AUTS2: variants seen among roughly 807,000 people sequenced by gnomAD.
AUTS2 encodes activator of transcription and developmental regulator AUTS2.
A neutral mutation model predicts 112.4 loss-of-function variants in AUTS2; 17 were observed. The ratio of observed to expected loss-of-function variants is 0.15; its 90% CI spans 0.10 to 0.23. AUTS2 has a LOEUF of 0.23. Ranked by LOEUF, AUTS2 falls within the 10% of genes least tolerant of loss-of-function variation. The pLI is 1.00. For missense variants in AUTS2, 1,510 were observed against 1,701.6 expected (o/e 0.89, Z 1.98); for synonymous variants, 751 against 702.7 (o/e 1.07, Z -1.09).
chr7:69,801,888 A>G (rs1230530473), intron 1 of AUTS2, among the ~76,000 whole-genome samples: 1 of 152,136 alleles, frequency 6.6e-6, no homozygotes, highest in Non-Finnish European at 1.5e-5. Flanking sequence ...CCAGGAAATG[A>G]TGTGATGTGT....
intron 4 of AUTS2, among the ~76,000 whole-genome samples, chr7:70,317,879 G>T (rs1047108819): frequency 2.0e-5 from 3 of 152,164 alleles, no homozygotes; most frequent in Admixed American, 6.5e-5. Context: ...TTGTATCAAT[G>T]TAGGTTTTGA....
intron 5 of AUTS2, among the ~76,000 whole-genome samples, chr7:70,506,556 G>A (rs1020851599): frequency 1.3e-5 from 2 of 152,198 alleles, no homozygotes; most frequent in African/African-American, 4.8e-5. Context: ...CCAAGACTGA[G>A]AGGAAGGGAG....
At chr7:69,602,020 G>GTA (rs1173266676) in intron 1 of AUTS2, among the ~76,000 whole-genome samples, 1,976 of 67,170 alleles carry the variant, frequency 0.029, 24 homozygotes, top group Admixed American at 0.046. Flanking sequence ...ATGTGTGTGT[G>GTA]TATATATATA....
intron 5 of AUTS2, among the ~76,000 whole-genome samples, chr7:70,570,887 T>C (rs1183368386): frequency 2.2e-5 from 3 of 133,410 alleles, no homozygotes; most frequent in Non-Finnish European, 5.0e-5. Context: ...AATATGTCTG[T>C]CCACCATCTT....
In AUTS2 at chr7:70,046,796, T is replaced by C. The variant is rs894818864; in HGVS notation, c.523-71336T>C. ...ATTTTGAGTCTTTGGAAGTTATTTT[T>C]GTGTTTATTATGCTCTGATAAAGAG... On this transcript the variant is annotated intron_variant, in intron 2 of 18. Transcript: ENST00000342771. Among the ~76,000 whole-genome samples the C allele has an allele frequency of 2.0e-5, 3 of 152,356 alleles. No homozygotes were observed. The South Asian group carries it at 6.2e-4, about 32-fold the overall frequency.
intron 2 of AUTS2, among the ~76,000 whole-genome samples, chr7:69,907,257 C>T (rs981744202): frequency 4.6e-5 from 7 of 152,200 alleles, no homozygotes; most frequent in Admixed American, 2.0e-4. Context: ...AATCTGCTGA[C>T]ATCTTGTAGT....
At chr7:70,048,896 GATCT>G (rs1801621897) in intron 2 of AUTS2, among the ~76,000 whole-genome samples, 1 of 152,116 alleles carries the variant, frequency 6.6e-6, no homozygotes, top group African/African-American at 2.4e-5. Context: ...GCAAAAATAG[GATCT>G]ATCTGTGTAT....
At chr7:70,441,665 G>A (rs1796128582) in intron 5 of AUTS2, among the ~76,000 whole-genome samples, 1 of 152,198 alleles carries the variant, frequency 6.6e-6, no homozygotes, top group African/African-American at 2.4e-5. Context: ...GATATTACAG[G>A]CATGAGCAAC....
At chr7:70,243,697 C>T (rs1319854849) in intron 4 of AUTS2, among the ~76,000 whole-genome samples, 1 of 152,108 alleles carries the variant, frequency 6.6e-6, no homozygotes, top group Non-Finnish European at 1.5e-5. Context: ...AGATAACTGG[C>T]AGACAATTTG....
chr7:70,357,601 A>G (rs568938386), intron 4 of AUTS2, among the ~76,000 whole-genome samples: 1 of 152,220 alleles, frequency 6.6e-6, no homozygotes, highest in South Asian at 2.1e-4. Context: ...CCTCCCTTCC[A>G]AAAGCCTCAG....
chr7:70,275,357 A>C (rs573192910), intron 4 of AUTS2, among the ~76,000 whole-genome samples: 42 of 152,240 alleles, frequency 2.8e-4, no homozygotes, highest in Non-Finnish European at 2.4e-4. Context: ...TAGAGTAGTC[A>C]AACTCACAGA....
At chr7:69,995,419 C>T (rs928895098) in intron 2 of AUTS2, among the ~76,000 whole-genome samples, 6 of 152,064 alleles carry the variant, frequency 3.9e-5, no homozygotes, top group African/African-American at 1.2e-4. Flanking sequence ...ATTTGGCCTT[C>T]GTGAATGCAA....
rs990144521 is a variant in AUTS2 at position 69,694,614 on chromosome 7, A to T, written c.309+94652A>T. On this transcript the variant is annotated intron_variant, in intron 1 of 18. Transcript: ENST00000342771. ...GGCAACATGGCAAAACCATGTTCCTATTCAGGAACAAAGAATAGATCACAA... is the reference window on the plus strand; with the variant it reads ...GGCAACATGGCAAAACCATGTTCCTTTTCAGGAACAAAGAATAGATCACAA... Among the ~76,000 whole-genome samples, 6 of 152,304 alleles carry T rather than the reference A, an allele frequency of 3.9e-5. No homozygotes were observed. In the East Asian group the frequency reaches 7.7e-4, roughly 20 times the overall value.
intron 4 of AUTS2, among the ~76,000 whole-genome samples, chr7:70,155,188 A>C (rs1439084463): frequency 6.6e-6 from 1 of 152,168 alleles, no homozygotes; most frequent in African/African-American, 2.4e-5. Flanking sequence ...AGACCCATAC[A>C]TCATTTGGGG....
intron 2 of AUTS2, among the ~76,000 whole-genome samples, chr7:69,968,135 G>A (rs1797705025): frequency 6.6e-6 from 1 of 152,156 alleles, no homozygotes; most frequent in South Asian, 2.1e-4. Context: ...GGTATTATTT[G>A]TTACAAAGGT....
intron 2 of AUTS2, among the ~76,000 whole-genome samples, chr7:70,004,990 A>G (rs890168537): frequency 2.0e-5 from 3 of 151,574 alleles, no homozygotes; most frequent in Non-Finnish European, 1.5e-5. Flanking sequence ...ATGCCTGGCT[A>G]ATTTTTGTAT....
chr7:70,598,425 C>T (rs1454285649), intron 5 of AUTS2, among the ~76,000 whole-genome samples: 1 of 152,190 alleles, frequency 6.6e-6, no homozygotes, highest in East Asian at 1.9e-4. Flanking sequence ...GAAGATACAA[C>T]ACGGATGGAA....
intron 5 of AUTS2, among the ~76,000 whole-genome samples, chr7:70,508,745 A>G (rs770152312): frequency 1.5e-4 from 23 of 152,244 alleles, no homozygotes; most frequent in Non-Finnish European, 2.6e-4. Flanking sequence ...TTAACTGTAT[A>G]GTTAGTAATC....
chr7:70,057,387 G>A (rs753569074), intron 2 of AUTS2, among the ~76,000 whole-genome samples: 5 of 152,092 alleles, frequency 3.3e-5, no homozygotes, highest in Non-Finnish European at 7.4e-5. Context: ...CCGGCTGACC[G>A]GACTGGTATT....
Sources: gnomAD v4.1 joint callset for allele counts (sites outside exome capture counted in the v4.1 genomes callset) on GRCh38, gnomAD v4.1.1 for gene constraint, MANE v1.5 for transcripts, NCBI Gene and HGNC (gene_info 2026-07-23, HGNC 2026-07-21) for gene names.